The following TENM2 variants were observed in gnomAD, a reference collection of about 807,000 sequenced individuals.
The protein encoded by TENM2 is teneurin-2.
TENM2 carries 52 observed loss-of-function variants against 245.2 expected under a neutral mutation model. The observed-to-expected ratio is 0.21, with a 90% confidence interval of 0.17 to 0.27. The LOEUF (loss-of-function observed/expected upper bound fraction) is 0.27. Among genes scored for constraint, TENM2 ranks in the 10% least tolerant of loss-of-function variants. The pLI is 1.00. For missense variants in TENM2, 3,046 were observed against 3,666.8 expected (o/e 0.83, Z 4.37); for synonymous variants, 1,363 against 1,438.9 (o/e 0.95, Z 1.19).
chr5:167,759,189 C>T (rs1762501234), intron 2 of TENM2, among the ~76,000 whole-genome samples: 1 of 150,406 alleles, frequency 6.6e-6, no homozygotes, highest in Non-Finnish European at 1.5e-5. Context: ...AGTTCTGACA[C>T]TAGATTACTT....
At chr5:167,052,278 C>A in the TENM2 span, among the ~76,000 whole-genome samples, 25 of 152,058 alleles carry the variant, frequency 1.6e-4, 1 homozygote, top group Non-Finnish European at 1.5e-5. Flanking sequence ...AATACTCCAG[C>A]TTTACTTATT....
At chr5:167,939,021 G>A (rs1459509921) in intron 3 of TENM2, among the ~76,000 whole-genome samples, 1 of 152,066 alleles carries the variant, frequency 6.6e-6, no homozygotes, top group Non-Finnish European at 1.5e-5. Flanking sequence ...AATTTAATTG[G>A]ACAGAAGGCA....
chr5:167,620,859 C>T (rs893737218), intron 2 of TENM2, among the ~76,000 whole-genome samples: 4 of 152,044 alleles, frequency 2.6e-5, no homozygotes, highest in African/African-American at 7.2e-5. Context: ...ATAACAAACC[C>T]AGTTCCTTGG....
At chr5:167,254,388 C>G in the TENM2 span, among the ~76,000 whole-genome samples, 1 of 152,106 alleles carries the variant, frequency 6.6e-6, no homozygotes, top group Non-Finnish European at 1.5e-5. Context: ...CCCTGCTGTG[C>G]GTCACATGGA....
chr5:167,178,685 A>G, the TENM2 span, among the ~76,000 whole-genome samples: 1 of 152,112 alleles, frequency 6.6e-6, no homozygotes, highest in Non-Finnish European at 1.5e-5. Flanking sequence ...TAAAAAAAAA[A>G]TGGATAAAAG....
At chr5:167,698,777 G>A (rs568508301) in intron 2 of TENM2, among the ~76,000 whole-genome samples, 37 of 140,346 alleles carry the variant, frequency 2.6e-4, no homozygotes, top group African/African-American at 8.6e-4. Flanking sequence ...TCCTCCTCCC[G>A]GATTCACGCC....
chr5:167,721,493 C>A (rs1254526405), intron 2 of TENM2: 1 of 152,214 alleles, frequency 6.6e-6, no homozygotes, highest in African/African-American at 2.4e-5. Flanking sequence ...AGCAAAGATT[C>A]TTTCTTCGCT....
At chr5:167,423,494 A>C (rs1582000637) in intron 2 of TENM2, among the ~76,000 whole-genome samples, 1 of 152,342 alleles carries the variant, frequency 6.6e-6, no homozygotes, top group East Asian at 1.9e-4. Flanking sequence ...ACTGTTAATA[A>C]GCTGTCAATT....
chr5:168,132,862 T>C (rs1223637784), intron 12 of TENM2, among the ~76,000 whole-genome samples: 2 of 152,326 alleles, frequency 1.3e-5, no homozygotes, highest in Non-Finnish European at 2.9e-5. Flanking sequence ...CTAAAGATTT[T>C]CCATCAAAGG....
intron 2 of TENM2, among the ~76,000 whole-genome samples, chr5:167,713,411 C>T (rs1205449590): frequency 2.0e-5 from 3 of 151,594 alleles, no homozygotes; most frequent in Admixed American, 6.6e-5. Flanking sequence ...GTACTATCTT[C>T]CTGGTGAATC....
In TENM2 at chr5:167,533,424, T is replaced by C. The variant is rs572772642; in HGVS notation, c.502+157951T>C. Among the ~76,000 whole-genome samples, 161 of 152,142 alleles carry C rather than the reference T, an allele frequency of 1.1e-3. 2 individuals are homozygous for C. Among genetic ancestry groups the C allele is most frequent in the African/African-American group, 3.7e-3 (155 of 41,508 alleles). ...CATGCAGAGAAATTGGCCAGGTGGT[T>C]GTTTTTCTTTGTTTGTTTGTTTGTT... is the stretch of plus-strand genomic sequence containing the variant. On this transcript the variant is annotated intron_variant, in intron 2 of 28. Transcript: ENST00000518659.
chr5:167,924,844 T>C (rs1166520145), intron 3 of TENM2, among the ~76,000 whole-genome samples: 3 of 152,200 alleles, frequency 2.0e-5, no homozygotes, highest in Non-Finnish European at 4.4e-5. Flanking sequence ...TTAGGTATCA[T>C]TTCATAAGCC....
chr5:167,030,603 G>C, the TENM2 span, among the ~76,000 whole-genome samples: 1 of 152,036 alleles, frequency 6.6e-6, no homozygotes, highest in African/African-American at 2.4e-5. Flanking sequence ...GCTTTCTTCT[G>C]ACATCTCTCC....
In TENM2 at chr5:167,784,679, G is replaced by A. The variant is rs193025703; in HGVS notation, c.503-91307G>A. Among the ~76,000 whole-genome samples the A allele has an allele frequency of 1.0e-3, 156 of 152,250 alleles. 1 individual carries two copies. Among genetic ancestry groups the A allele is most frequent in the Admixed American group, 2.1e-3 (32 of 15,300 alleles). On this transcript the variant is annotated intron_variant, in intron 2 of 28. Coordinates refer to ENST00000518659, the Ensembl canonical transcript of TENM2. The stretch of plus-strand genomic sequence containing the variant: ...TAAAACCATGTTTTCCTGTCAGCCA[G>A]CCAGTGACTATAAGAATTCACACAT...
At chr5:167,490,378 TAATATC>T (rs1232605820) in intron 2 of TENM2, among the ~76,000 whole-genome samples, 16 of 149,630 alleles carry the variant, frequency 1.1e-4, no homozygotes, top group African/African-American at 3.2e-4. Context: ...ACAGAGATAT[TAATATC>T]AATATGTTAC....
At chr5:167,326,545 C>A (rs191789486) in intron 1 of TENM2, among the ~76,000 whole-genome samples, 1 of 151,766 alleles carries the variant, frequency 6.6e-6, no homozygotes, top group South Asian at 2.1e-4. Context: ...TGGTGGTGCA[C>A]GCGTGTAGTC....
chr5:167,995,898 A>G (rs375185306), intron 5 of TENM2, among the ~76,000 whole-genome samples: 6 of 152,186 alleles, frequency 3.9e-5, no homozygotes, highest in East Asian at 3.9e-4. Flanking sequence ...AAGGGCAGAA[A>G]GACAACATGA....
chr5:168,248,338 A>C, exon 27 of TENM2: 14 of 1,613,708 alleles, frequency 8.7e-6, no homozygotes, highest in Non-Finnish European at 1.2e-5. Context: ...CAATCCTCTC[A>C]GCAGTGAGCT....
At chr5:167,162,983 C>G in the TENM2 span, among the ~76,000 whole-genome samples, 1 of 152,172 alleles carries the variant, frequency 6.6e-6, no homozygotes, top group Non-Finnish European at 1.5e-5. Flanking sequence ...AGTCATGAAA[C>G]ATACATTTGG....
Sources: allele counts gnomAD v4.1 joint callset (sites outside exome capture counted in the v4.1 genomes callset), GRCh38; gene constraint gnomAD v4.1.1; transcripts MANE v1.5; gene names NCBI Gene and HGNC (gene_info 2026-07-23, HGNC 2026-07-21).